The following HELZ variants were observed in gnomAD, a reference collection of about 807,000 sequenced individuals.
The protein encoded by HELZ is ATP-dependent RNA helicase with zinc finger domain.
A neutral mutation model predicts 218.2 loss-of-function variants in HELZ; 23 were observed. That is an observed-to-expected ratio of 0.11 (90% CI 0.08 to 0.15). The LOEUF (loss-of-function observed/expected upper bound fraction) is 0.15. HELZ is among the 10% of genes least tolerant of loss of function. HELZ has a pLI of 1.00. For missense variants in HELZ, 1,813 were observed against 2,353.7 expected (o/e 0.77, Z 4.75); for synonymous variants, 814 against 829.4 (o/e 0.98, Z 0.32).
chr17:67,174,153 C>T (rs555775605), intron 13 of HELZ, among the ~76,000 whole-genome samples: 1 of 146,120 alleles, frequency 6.8e-6, no homozygotes, highest in South Asian at 2.2e-4. Context: ...CACACTAAAA[C>T]AACCTAAGAA....
chr17:67,127,796 A>C (rs1336424736), intron 24 of HELZ, among the ~76,000 whole-genome samples: 5 of 151,952 alleles, frequency 3.3e-5, no homozygotes, highest in Non-Finnish European at 7.4e-5. Flanking sequence ...CAGTGAGCCC[A>C]GAATGTGCCA....
At chr17:67,229,125 T>A (rs1486576150) in intron 3 of HELZ, among the ~76,000 whole-genome samples, 2 of 152,152 alleles carry the variant, frequency 1.3e-5, no homozygotes, top group Non-Finnish European at 2.9e-5. Context: ...CTAAAGTGTA[T>A]CATGCTTCCT....
chr17:67,162,736 T>G (rs2039026917), intron 15 of HELZ, among the ~76,000 whole-genome samples: 1 of 141,462 alleles, frequency 7.1e-6, no homozygotes, highest in African/African-American at 2.7e-5. Flanking sequence ...TATTGTTAAT[T>G]TTTTTTTTTT....
Position 67,224,712 on chromosome 17 carries a change from T to C in HELZ, c.-18-5890A>G, listed in dbSNP as rs187715609. The C allele has an allele frequency of 4.7e-4, 405 of 862,296 alleles. 2 individuals carry two copies. The African/African-American group carries it at 6.0e-3, about 13-fold the overall frequency. 53.4% of individuals were successfully genotyped at this position (862,296 alleles called of 1,614,324 possible). On this transcript the variant is annotated intron_variant, in intron 3 of 32. Coordinates refer to ENST00000358691, the MANE Select transcript of HELZ (RefSeq NM_014877.4). ...ATATAAGCCTAGGTTTCCATGCCCA[T>C]AGTGCTCATGCAAACATGGTGAACG...
chr17:67,210,798 T>A (rs1006085582), intron 5 of HELZ, among the ~76,000 whole-genome samples: 5 of 152,124 alleles, frequency 3.3e-5, no homozygotes, highest in Admixed American at 6.6e-5. Flanking sequence ...GGCGCATGCC[T>A]GTAGTCCCAG....
At chr17:67,117,621 C>T (rs1000606661) in intron 27 of HELZ, among the ~76,000 whole-genome samples, 29 of 148,440 alleles carry the variant, frequency 2.0e-4, no homozygotes, top group African/African-American at 7.2e-4. Context: ...GTGATCTCGG[C>T]TCACTGCAAC....
chr17:67,151,632 A>G (rs2038685979), intron 17 of HELZ, among the ~76,000 whole-genome samples: 1 of 152,220 alleles, frequency 6.6e-6, no homozygotes, highest in South Asian at 2.1e-4. Flanking sequence ...TATTTATGCT[A>G]ACAAAAAACA....
chr17:67,075,721 C>T lies in HELZ; in HGVS notation c.*2531G>A, dbSNP rs1400875565. On this transcript the variant is annotated 3_prime_UTR_variant, in exon 33 of 33. Coordinates refer to ENST00000358691, the MANE Select transcript of HELZ (RefSeq NM_014877.4). ...GAGGAAGAGTAAGCTTGTTGTAAGTCAAAATAAGCATTTGATGCAGAATCT... is the reference window on the plus strand; with the variant it reads ...GAGGAAGAGTAAGCTTGTTGTAAGTTAAAATAAGCATTTGATGCAGAATCT... 4 of 152,132 alleles carry T rather than the reference C, an allele frequency of 2.6e-5. No individual in the cohort carries two copies. The highest frequency in any genetic ancestry group is 2.9e-5 in the Non-Finnish European group (2 of 68,024). The allele number at this position is 152,132 out of a possible 1,614,324, so 9.4% of individuals were successfully genotyped here.
chr17:67,107,752 A>G (rs2037153041), intron 30 of HELZ, 67 bp from the exon 31 acceptor site: 12 of 1,387,176 alleles, frequency 8.7e-6, no homozygotes, highest in Non-Finnish European at 1.2e-5. Context: ...AAGCTTAGTC[A>G]ACTACACATG....
chr17:67,204,103 C>T (rs1464500960), intron 5 of HELZ, among the ~76,000 whole-genome samples: 4 of 152,236 alleles, frequency 2.6e-5, no homozygotes, highest in Non-Finnish European at 5.9e-5. Context: ...ATATCCTCTG[C>T]ATTGCTAAGT....
At chr17:67,165,345 T>C (rs2039111482) in intron 15 of HELZ, among the ~76,000 whole-genome samples, 1 of 152,122 alleles carries the variant, frequency 6.6e-6, no homozygotes, top group South Asian at 2.1e-4. Flanking sequence ...GGAAGTGATA[T>C]ATACCACTCC....
chr17:67,240,495 T>C (rs1359547991), intron 2 of HELZ, among the ~76,000 whole-genome samples: 1 of 152,232 alleles, frequency 6.6e-6, no homozygotes, highest in African/African-American at 2.4e-5. Context: ...TTTTTAAAAC[T>C]GTATTAGTTA....
chr17:67,134,748 G>GA (rs201788250), intron 23 of HELZ, among the ~76,000 whole-genome samples: 82 of 150,474 alleles, frequency 5.4e-4, no homozygotes, highest in African/African-American at 1.4e-3. Context: ...TATATTGTAA[G>GA]AAAAAAAAAC....
At chr17:67,195,296 C>A in intron 8 of HELZ, 123 bp downstream of exon 8, 2 of 568,124 alleles carry the variant, frequency 3.5e-6, no homozygotes, top group Non-Finnish European at 3.2e-6. Context: ...AAATTAAAAT[C>A]TTATATTCTC....
rs1377330603 is a variant in HELZ at position 67,133,490 on chromosome 17, A to C, written c.3182+2480T>G. 2.0e-5 allele frequency among the ~76,000 whole-genome samples: 3 copies of C among 152,302 alleles called. No homozygotes were observed. The East Asian group carries it at 5.8e-4, about 29-fold the overall frequency. On this transcript the variant is annotated intron_variant, in intron 23 of 32. Coordinates refer to ENST00000358691, the MANE Select transcript of HELZ (RefSeq NM_014877.4). ...AATATATTTGGAGTTATTTATAAGG[A>C]GAGCCCAAAACTAATGTGGCTTGAC...
Position 67,109,459 on chromosome 17 carries a change from C to T in HELZ, c.4146G>A (p.Gln1382=). The change falls in exon 29 of 33, where the codon CAG becomes CAA. Residue 1382 remains glutamine, a synonymous_variant. Coordinates refer to ENST00000358691, the MANE Select transcript of HELZ (RefSeq NM_014877.4). The stretch of plus-strand genomic sequence containing the variant: ...GTTGTTCAGGCAAATTATTCTGCTG[C>T]TGATTTAACAAGGTGTGCTGCTGTG... ...PIPQQHTLLN[Q]QQNNLPEQPN... 6.2e-7 allele frequency: 1 copy of T among 1,614,100 alleles called. No homozygotes were observed. The highest frequency in any genetic ancestry group is 8.5e-7 in the Non-Finnish European group (1 of 1,180,042).
chr17:67,224,983 G>C (rs2040851730), intron 3 of HELZ: 1 of 698,736 alleles, frequency 1.4e-6, no homozygotes, highest in East Asian at 3.0e-5. Flanking sequence ...CTATTAAAAA[G>C]ATGCAAGCAT....
At chr17:67,238,978 C>G (rs779724880) in intron 3 of HELZ, among the ~76,000 whole-genome samples, 1 of 152,140 alleles carries the variant, frequency 6.6e-6, no homozygotes, top group African/African-American at 2.4e-5. Context: ...GATATGTTCT[C>G]CATATTTAGA....
chr17:67,242,432 A>G (rs900596206), intron 2 of HELZ, among the ~76,000 whole-genome samples: 3 of 150,750 alleles, frequency 2.0e-5, no homozygotes, highest in Non-Finnish European at 4.4e-5. Flanking sequence ...AAAAAAGAAA[A>G]AAAATCTATC....
Sources: allele counts gnomAD v4.1 joint callset (sites outside exome capture counted in the v4.1 genomes callset), GRCh38; gene constraint gnomAD v4.1.1; transcripts MANE v1.5; gene names NCBI Gene and HGNC (gene_info 2026-07-23, HGNC 2026-07-21).